RNF135: variants seen among roughly 807,000 people sequenced by gnomAD.
RNF135 encodes ring finger protein 135.
RNF135 carries 46 observed loss-of-function variants against 41.9 expected under a neutral mutation model. That is an observed-to-expected ratio of 1.10 (90% CI 0.87 to 1.40). RNF135 has a LOEUF of 1.40. Ranked by LOEUF, RNF135 falls within the 40% of genes most tolerant of loss-of-function variation. The pLI, the probability that RNF135 is intolerant of heterozygous loss-of-function variation, is 0.00. For synonymous variants in RNF135, 238 were observed against 223.8 expected, an observed-to-expected ratio of 1.06 and a Z score of -0.57; for missense variants, 539 against 549.8, an observed-to-expected ratio of 0.98 and a Z score of 0.20.
intron 1 of RNF135, chr17:30,971,799 T>A: frequency 1.1e-6 from 1 of 912,846 alleles, no homozygotes; most frequent in Non-Finnish European, 1.4e-6. Context: ...TCTTTATTTC[T>A]TTGAGACGGA....
chr17:30,998,864 C>G lies in RNF135; in HGVS notation c.972C>G (p.His324Gln), dbSNP rs758480776. The G allele has an allele frequency of 4.1e-5, 66 of 1,612,608 alleles. No homozygotes were observed. The highest frequency in any genetic ancestry group is 5.2e-5 in the Non-Finnish European group (61 of 1,179,162). ...AAGTGGACACTAGGAATTGCAGCCACTGGGCAGTTGGGGTGGCTTCCTGGG... is the reference window on the plus strand; with the variant it reads ...AAGTGGACACTAGGAATTGCAGCCAGTGGGCAGTTGGGGTGGCTTCCTGGG... ...YWEVDTRNCS[H>Q]WAVGVASWEM... Residue 324 changes from histidine (H) to glutamine (Q), a missense_variant, in exon 5 of 5, where the codon CAC (histidine) becomes CAG (glutamine). Physicochemically the swap from His to Gln is conservative, Grantham distance 24. Coordinates refer to ENST00000328381, the MANE Select transcript of RNF135 (RefSeq NM_032322.4).
At chr17:30,967,730 C>T (rs1203785034), upstream of RNF135, among the ~76,000 whole-genome samples, 7 of 148,044 alleles carry the variant, frequency 4.7e-5, no homozygotes, top group Non-Finnish European at 1.0e-4. Context: ...GAGACGGAGT[C>T]TTGCCCTGTT....
chr17:30,996,175 C>T (rs559366427), intron 3 of RNF135, among the ~76,000 whole-genome samples: 39 of 150,322 alleles, frequency 2.6e-4, no homozygotes, highest in African/African-American at 8.8e-4. Flanking sequence ...CTGCAAACTC[C>T]GCCTCCCAGG....
upstream of RNF135, among the ~76,000 whole-genome samples, chr17:30,966,999 C>T (rs924129351): frequency 7.2e-5 from 11 of 151,970 alleles, no homozygotes; most frequent in African/African-American, 2.7e-4. Context: ...GAATTTATTG[C>T]AAAAGTTTGT....
intron 1 of RNF135, among the ~76,000 whole-genome samples, chr17:30,983,769 T>C (rs1003464398): frequency 6.6e-6 from 1 of 151,898 alleles, no homozygotes; most frequent in African/African-American, 2.4e-5. Flanking sequence ...TATTTTGGTT[T>C]TTTTTTTTTT....
At chr17:30,991,407 T>A (rs1352739562) in intron 3 of RNF135, among the ~76,000 whole-genome samples, 1 of 151,092 alleles carries the variant, frequency 6.6e-6, no homozygotes, top group African/African-American at 2.4e-5. Context: ...GTTTTTTTTC[T>A]CTTTCTCTTT....
intron 1 of RNF135, among the ~76,000 whole-genome samples, chr17:30,983,354 T>TATA (rs1491179041): frequency 3.9e-5 from 1 of 25,672 alleles, no homozygotes; most frequent in East Asian, 1.6e-3. Context: ...TATATATATA[T>TATA]TTTTTTTTTT....
At position 30,980,993 on chromosome 17, in the gene RNF135, T is replaced by C. The variant is rs1282898484; in HGVS notation, c.373-3624T>C. On this transcript the variant is annotated intron_variant, in intron 1 of 4. Coordinates refer to ENST00000328381, the MANE Select transcript of RNF135 (RefSeq NM_032322.4). ...GGGCAGAGGCTGCAATCTCGGCTCTTTGGGAGGCCAAGGCAGGCGGCTGGG... is the reference window on the plus strand; with the variant it reads ...GGGCAGAGGCTGCAATCTCGGCTCTCTGGGAGGCCAAGGCAGGCGGCTGGG... 2.0e-5 allele frequency among the ~76,000 whole-genome samples: 3 copies of C among 146,800 alleles called. No homozygotes were observed. The East Asian group carries it at 6.1e-4, about 30-fold the overall frequency.
At position 30,971,100 on chromosome 17, in the gene RNF135, C is replaced by T. The variant is rs915095403; in HGVS notation, c.27C>T (p.Ala9=). MAGLGLGS[A]VPVWLAEDDL... ...TGGCGGGCCTGGGCCTGGGCTCCGC[C>T]GTTCCCGTGTGGCTGGCCGAGGACG... Residue 9 remains alanine, a synonymous_variant, in exon 1 of 5, where the codon GCC becomes GCT. Coordinates refer to ENST00000328381, the MANE Select transcript of RNF135 (RefSeq NM_032322.4). The T allele has an allele frequency of 2.0e-6, 3 of 1,534,356 alleles. No homozygotes were observed. Among genetic ancestry groups the T allele is most frequent in the Non-Finnish European group, 1.7e-6 (2 of 1,146,102 alleles).
rs1908574243 is a variant in RNF135 at position 30,999,138 on chromosome 17, C to T, written c.1246C>T (p.Leu416=). ...CTCTCCTTTGTACCCTGCCTTCTGGCTGTATGGCTTACATCCTGGAAATTA... is the reference window on the plus strand; with the variant it reads ...CTCTCCTTTGTACCCTGCCTTCTGGTTGTATGGCTTACATCCTGGAAATTA... ...ASSPLYPAFW[L]YGLHPGNYLI... Residue 416 remains leucine, a synonymous_variant, in exon 5 of 5, where the codon CTG becomes TTG. Transcript: ENST00000328381. 1.2e-6 allele frequency: 2 copies of T among 1,614,120 alleles called. No individual in the cohort carries two copies. Among genetic ancestry groups the T allele is most frequent in the Non-Finnish European group, 8.5e-7 (1 of 1,180,024 alleles).
upstream of RNF135, chr17:30,970,856 G>C: frequency 1.5e-6 from 1 of 647,878 alleles, no homozygotes; most frequent in South Asian, 2.0e-5. Context: ...GCAAGAGGCC[G>C]CCACTGAAGG....
At chr17:30,960,730 A>T in the RNF135 span, among the ~76,000 whole-genome samples, 2 of 135,330 alleles carry the variant, frequency 1.5e-5, no homozygotes, top group East Asian at 3.9e-4. Flanking sequence ...ATTTTATTTT[A>T]TTTATTTTAT....
rs2142740617 is a variant in RNF135, at chr17:30,999,344, T to C, written c.*153T>C. 1.2e-6 allele frequency: 1 copy of C among 803,782 alleles called. No homozygotes were observed. Among genetic ancestry groups the C allele is most frequent in the Non-Finnish European group, 2.0e-6 (1 of 496,218 alleles). 49.8% of individuals were successfully genotyped at this position (803,782 alleles called of 1,614,324 possible). On this transcript the variant is annotated 3_prime_UTR_variant, in exon 5 of 5. Transcript: ENST00000328381. The stretch of plus-strand genomic sequence containing the variant: ...GCCCAGGCTGGTGTCGAATTCCTGG[T>C]CTCAAGCAGTCCTCCCACCTCAGCC...
upstream of RNF135, among the ~76,000 whole-genome samples, chr17:30,966,309 A>C (rs764874874): frequency 2.0e-5 from 3 of 151,370 alleles, no homozygotes; most frequent in Non-Finnish European, 4.4e-5. Flanking sequence ...AAAATGAGAA[A>C]GTGAATACTT....
chr17:30,972,351 G>T (rs1481720592), intron 1 of RNF135: 1 of 152,036 alleles, frequency 6.6e-6, no homozygotes, highest in Non-Finnish European at 1.5e-5. Context: ...CTGACCTCGT[G>T]ATCTGCCCGC....
chr17:30,985,891 G>A (rs1332761777), intron 2 of RNF135, among the ~76,000 whole-genome samples: 2 of 152,196 alleles, frequency 1.3e-5, no homozygotes, highest in African/African-American at 4.8e-5. Context: ...TGGCCGCACA[G>A]TCGCTCTAGT....
At chr17:30,960,418 A>G in the RNF135 span, among the ~76,000 whole-genome samples, 1 of 151,760 alleles carries the variant, frequency 6.6e-6, no homozygotes, top group Non-Finnish European at 1.5e-5. Context: ...AAGAAAAAAA[A>G]AAAAGCCAGG....
intron 1 of RNF135, among the ~76,000 whole-genome samples, chr17:30,977,638 T>C (rs2142675717): frequency 6.6e-6 from 1 of 152,252 alleles, no homozygotes; most frequent in South Asian, 2.1e-4. Flanking sequence ...CCTCCCAAAG[T>C]GCTGGGATTA....
chr17:30,998,957 C>T lies in RNF135; in HGVS notation c.1065C>T (p.Ser355=), dbSNP rs1908560206. Reference sequence around the variant, plus strand: ...GTTGTGTGGAATGGAAGGGGACTAGCCAGCTCTCTGCATGGCACATGGTCA... The same window carrying T: ...GTTGTGTGGAATGGAAGGGGACTAGTCAGCTCTCTGCATGGCACATGGTCA... The part of the protein sequence containing the change: ...DSCCVEWKGT[S]QLSAWHMVKE... Residue 355 remains serine, a synonymous_variant, in exon 5 of 5, where the codon AGC becomes AGT. Coordinates refer to ENST00000328381, the MANE Select transcript of RNF135 (RefSeq NM_032322.4). The T allele has an allele frequency of 6.2e-7, 1 of 1,613,956 alleles. No individual in the cohort carries two copies. The highest frequency in any genetic ancestry group is 8.5e-7 in the Non-Finnish European group (1 of 1,180,006).
Sources: gnomAD v4.1 joint callset for allele counts (sites outside exome capture counted in the v4.1 genomes callset) on GRCh38, gnomAD v4.1.1 for gene constraint, MANE v1.5 for transcripts, NCBI Gene and HGNC (gene_info 2026-07-23, HGNC 2026-07-21) for gene names.